Variants in CCDC73 observed in about 807,000 individuals in gnomAD.
CCDC73 encodes the protein coiled-coil domain containing 73.
Under a neutral mutation model 116.5 loss-of-function variants are expected in CCDC73, and 95 were observed. The observed-to-expected ratio is 0.82, with a 90% CI of 0.69 to 0.97. The LOEUF is 0.97. CCDC73 is among the 50% of genes least tolerant of loss of function. The pLI is 0.00. For synonymous variants in CCDC73, 398 were observed against 401.3 expected (o/e 0.99, Z 0.10); for missense variants, 1,066 against 1,206.8 (o/e 0.88, Z 1.73).
intron 14 of CCDC73, among the ~76,000 whole-genome samples, chr11:32,620,771 C>A (rs1016314251): frequency 7.2e-5 from 11 of 152,032 alleles, no homozygotes; most frequent in Admixed American, 2.6e-4. Flanking sequence ...ATTTTAGAGG[C>A]TGCCTACAAC....
At chr11:32,607,338 C>T (rs540520956) in intron 17 of CCDC73, among the ~76,000 whole-genome samples, 263 of 151,586 alleles carry the variant, frequency 1.7e-3, no homozygotes, top group African/African-American at 5.7e-3. Flanking sequence ...GTGATCCGCC[C>T]GCCTCGGCCT....
At chr11:32,701,470 G>A (rs1849812166) in intron 4 of CCDC73, among the ~76,000 whole-genome samples, 1 of 152,060 alleles carries the variant, frequency 6.6e-6, no homozygotes, top group Non-Finnish European at 1.5e-5. Context: ...GGAAGCTGAG[G>A]CAAGAGAATT....
intron 13 of CCDC73, among the ~76,000 whole-genome samples, chr11:32,636,290 T>C (rs984083027): frequency 6.6e-6 from 1 of 152,140 alleles, no homozygotes; most frequent in Non-Finnish European, 1.5e-5. Flanking sequence ...TATACTTCCA[T>C]TGTTTTCTTA....
intron 9 of CCDC73, among the ~76,000 whole-genome samples, chr11:32,667,807 C>T (rs1856000485): frequency 6.6e-6 from 1 of 152,104 alleles, no homozygotes; most frequent in Non-Finnish European, 1.5e-5. Context: ...TTGGAACCAC[C>T]CCCCAACAAT....
intron 1 of CCDC73, among the ~76,000 whole-genome samples, chr11:32,770,076 G>A (rs1405725706): frequency 1.3e-5 from 2 of 152,158 alleles, no homozygotes; most frequent in Non-Finnish European, 2.9e-5. Context: ...GACTGGCTGG[G>A]TTGTTTGTCT....
chr11:32,681,158 G>A (rs1856139191), intron 7 of CCDC73: 1 of 151,924 alleles, frequency 6.6e-6, no homozygotes, highest in Non-Finnish European at 1.5e-5. Flanking sequence ...TTATTTAGAG[G>A]AAAATGATAT....
intron 17 of CCDC73, among the ~76,000 whole-genome samples, chr11:32,607,463 A>G (rs2133213652): frequency 6.6e-6 from 1 of 152,306 alleles, no homozygotes; most frequent in Non-Finnish European, 1.5e-5. Flanking sequence ...GAACTCCCCT[A>G]TTAGATTAAT....
chr11:32,795,596 G>A (rs1008064887), upstream of CCDC73, among the ~76,000 whole-genome samples: 13 of 151,980 alleles, frequency 8.6e-5, no homozygotes, highest in African/African-American at 3.1e-4. Flanking sequence ...AGTATGTTAT[G>A]TTGAATAGTC....
At chr11:32,685,924 G>T (rs571354473) in intron 6 of CCDC73, among the ~76,000 whole-genome samples, 3 of 151,848 alleles carry the variant, frequency 2.0e-5, no homozygotes, top group Admixed American at 6.6e-5. Context: ...GTTTCACCAT[G>T]TTAGCCAGGA....
At chr11:32,616,619 T>A (rs1284736435) in intron 14 of CCDC73, among the ~76,000 whole-genome samples, 1 of 152,214 alleles carries the variant, frequency 6.6e-6, no homozygotes. Context: ...TAACTGGGAC[T>A]ACAGGTGCTC....
At chr11:32,814,312 C>T in the CCDC73 span, among the ~76,000 whole-genome samples, 103 of 152,194 alleles carry the variant, frequency 6.8e-4, no homozygotes, top group Non-Finnish European at 9.0e-4. Context: ...AATTGTTGCC[C>T]GATGTTACCA....
the CCDC73 span, among the ~76,000 whole-genome samples, chr11:32,823,037 G>T: frequency 2.0e-5 from 3 of 152,136 alleles, no homozygotes; most frequent in Non-Finnish European, 2.9e-5. Context: ...GGAGGCTGAG[G>T]TGGGAGGATC....
At chr11:32,799,091 ATTTTT>A (rs36041424), upstream of CCDC73, among the ~76,000 whole-genome samples, 2 of 118,290 alleles carry the variant, frequency 1.7e-5, no homozygotes, top group Non-Finnish European at 1.7e-5. Flanking sequence ...TTTTCTTTTC[ATTTTT>A]TTTTTTTTTT....
At chr11:32,788,184 G>A (rs1004680209) in intron 1 of CCDC73, among the ~76,000 whole-genome samples, 9 of 152,146 alleles carry the variant, frequency 5.9e-5, no homozygotes, top group African/African-American at 2.2e-4. Flanking sequence ...GAATTGAATA[G>A]ATCACTCATA....
At chr11:32,793,869 C>G (rs1210354495) in intron 1 of CCDC73, among the ~76,000 whole-genome samples, 1 of 152,082 alleles carries the variant, frequency 6.6e-6, no homozygotes, top group Non-Finnish European at 1.5e-5. Context: ...CCTCGGCCTC[C>G]CAAAGTGCTG....
Position 32,614,740 on chromosome 11 carries a change from A to G in CCDC73, c.1578T>C (p.Asn526=), listed in dbSNP as rs1236960302. Residue 526 remains asparagine (N), a synonymous_variant, in exon 16 of 18, where the codon AAT becomes AAC. Coordinates refer to ENST00000335185, the MANE Select transcript of CCDC73 (RefSeq NM_001008391.4). ...TTGGTGATTTAAATTCTGTACATCC[A>G]TTGTCTTTTTCCAAGCATATCTTGT... The part of the protein sequence containing the change: ...IKDKICLEKD[N]GCTEFKSPNN... 2 of 1,612,726 alleles carry G rather than the reference A, an allele frequency of 1.2e-6. No homozygotes were observed. The highest frequency in any genetic ancestry group is 3.3e-5 in the Admixed American group (2 of 59,930).
intron 9 of CCDC73, among the ~76,000 whole-genome samples, chr11:32,671,988 T>C (rs1049658318): frequency 6.6e-6 from 1 of 152,188 alleles, no homozygotes; most frequent in Admixed American, 6.5e-5. Context: ...CCACTAAGGG[T>C]ATCTCTCCAT....
At chr11:32,795,005 TA>T (rs1280210717), upstream of CCDC73, among the ~76,000 whole-genome samples, 5 of 151,242 alleles carry the variant, frequency 3.3e-5, no homozygotes, top group African/African-American at 4.9e-5. Context: ...ATTCGTTTTT[TA>T]AAAAAAAAGT....
intron 2 of CCDC73, among the ~76,000 whole-genome samples, chr11:32,745,412 T>C (rs1446673805): frequency 6.6e-6 from 1 of 152,220 alleles, no homozygotes; most frequent in Non-Finnish European, 1.5e-5. Flanking sequence ...TGTAGATATC[T>C]ATTAGGTCTG....
Sources: gnomAD v4.1 joint callset for allele counts (sites outside exome capture counted in the v4.1 genomes callset) on GRCh38, gnomAD v4.1.1 for gene constraint, MANE v1.5 for transcripts, NCBI Gene and HGNC (gene_info 2026-07-23, HGNC 2026-07-21) for gene names.